Variants in AOAH observed in about 807,000 individuals in gnomAD.
AOAH encodes the protein acyloxyacyl hydrolase (neutrophil).
Under a neutral mutation model 92.2 loss-of-function variants are expected in AOAH, and 64 were observed. That is an observed-to-expected ratio of 0.69 (90% CI 0.57 to 0.86). The LOEUF is 0.86. AOAH is among the 40% of genes least tolerant of loss of function. AOAH has a pLI of 0.00. For synonymous variants in AOAH, 263 were observed against 254.5 expected (o/e 1.03, Z -0.32); for missense variants, 656 against 694.6 (o/e 0.94, Z 0.62).
At chr7:36,692,861 T>G (rs1345606636) in intron 1 of AOAH, among the ~76,000 whole-genome samples, 5 of 152,178 alleles carry the variant, frequency 3.3e-5, no homozygotes, top group Non-Finnish European at 5.9e-5. Flanking sequence ...AGGAACCTGG[T>G]AGTGCTTTGG....
At chr7:36,715,023 A>C (rs1194194515) in intron 1 of AOAH, among the ~76,000 whole-genome samples, 1 of 152,172 alleles carries the variant, frequency 6.6e-6, no homozygotes, top group African/African-American at 2.4e-5. Flanking sequence ...AATTAGGAAA[A>C]GAGGAAGTCA....
intron 13 of AOAH, among the ~76,000 whole-genome samples, chr7:36,569,471 ATCTATCT>A (rs1265688597): frequency 1.1e-4 from 1 of 8,832 alleles, no homozygotes; most frequent in Non-Finnish European, 2.3e-4. Context: ...ACTTAAAAAA[ATCTATCT>A]ATCTATCTAT....
At chr7:36,673,835 T>G in intron 3 of AOAH, 108 bp downstream of exon 3, 2 of 724,318 alleles carry the variant, frequency 2.8e-6, no homozygotes. Context: ...CCTCGAGCCC[T>G]GTCCAGAAAG....
intron 20 of AOAH, among the ~76,000 whole-genome samples, chr7:36,519,444 T>C (rs1783996484): frequency 6.6e-6 from 1 of 152,260 alleles, no homozygotes; most frequent in African/African-American, 2.4e-5. Context: ...ATTTTTGTTT[T>C]TTTGAGATGG....
At position 36,534,125 on chromosome 7, in the gene AOAH, C is replaced by T. The variant is rs114998987; in HGVS notation, c.1307-1781G>A. ...GGATTTCTTTGATATCCAGAGGGGC[C>T]GGAGTTTGTCCTGCTCCTGTGACAC... On this transcript the variant is annotated intron_variant, in intron 16 of 20. Coordinates refer to ENST00000617537, the MANE Select transcript of AOAH (RefSeq NM_001637.4). Among the ~76,000 whole-genome samples the T allele has an allele frequency of 3.0e-3, 456 of 152,266 alleles. 3 individuals carry two copies. Among genetic ancestry groups the T allele is most frequent in the African/African-American group, 0.01 (425 of 41,530 alleles).
chr7:36,574,928 G>A (rs1014000119), intron 13 of AOAH, among the ~76,000 whole-genome samples: 29 of 151,468 alleles, frequency 1.9e-4, no homozygotes, highest in African/African-American at 4.6e-4. Context: ...TTTTTCTTTC[G>A]GCAGTGTTTT....
chr7:36,611,840 C>T (rs192788157), intron 11 of AOAH, among the ~76,000 whole-genome samples: 2 of 152,304 alleles, frequency 1.3e-5, no homozygotes, highest in East Asian at 1.9e-4. Flanking sequence ...TTGAAGCACA[C>T]GGCCCTTCCT....
At chr7:36,658,798 G>A (rs1187726696) in intron 4 of AOAH, among the ~76,000 whole-genome samples, 3 of 152,198 alleles carry the variant, frequency 2.0e-5, no homozygotes, top group Non-Finnish European at 4.4e-5. Flanking sequence ...GGCTTTCAGT[G>A]CTCATGGCAG....
intron 13 of AOAH, chr7:36,550,188 C>T (rs1786117989): frequency 6.6e-6 from 1 of 152,058 alleles, no homozygotes; most frequent in African/African-American, 2.4e-5. Flanking sequence ...AACCTTGTCT[C>T]TACTAAAAAT....
In AOAH at chr7:36,677,355, A is replaced by AGGAATG. The variant is rs1234017577; in HGVS notation, c.224-3347_224-3346insCATTCC. Among the ~76,000 whole-genome samples, 24 of 152,348 alleles carry AGGAATG rather than the reference A, an allele frequency of 1.6e-4. 1 individual carries two copies. The East Asian group carries it at 4.6e-3, about 29-fold the overall frequency. On this transcript the variant is annotated intron_variant, in intron 2 of 20. Coordinates refer to ENST00000617537, the MANE Select transcript of AOAH (RefSeq NM_001637.4). Reference sequence around the variant, plus strand: ...GAAAAGATACTCAACATCATTAGCTACCAAGGAAATGCAATTCAAAGCCAA... The same window carrying AGGAATG: ...GAAAAGATACTCAACATCATTAGCTAGGAATGCCAAGGAAATGCAATTCAAAGCCAA...
At chr7:36,594,039 T>C (rs1348880192) in intron 12 of AOAH, among the ~76,000 whole-genome samples, 1 of 152,152 alleles carries the variant, frequency 6.6e-6, no homozygotes. Context: ...TGAGAACAAA[T>C]AAGTAAACTT....
intron 4 of AOAH, among the ~76,000 whole-genome samples, chr7:36,644,853 G>A (rs989529172): frequency 1.4e-5 from 2 of 139,854 alleles, no homozygotes; most frequent in Non-Finnish European, 3.1e-5. Context: ...AAAGCCCCTG[G>A]GAAGTAAAAT....
chr7:36,647,823 G>C (rs886900369), intron 4 of AOAH, among the ~76,000 whole-genome samples: 1 of 150,240 alleles, frequency 6.7e-6, no homozygotes, highest in Non-Finnish European at 1.5e-5. Flanking sequence ...GCCATCTTCA[G>C]TTCCCTTAGA....
Position 36,699,643 on chromosome 7 carries a change from T to G in AOAH, c.128-12849A>C, listed in dbSNP as rs913987104. On this transcript the variant is annotated intron_variant, in intron 1 of 20. Transcript: ENST00000617537. ...TTTTTAAATTGGATTATTTGTTTTT[T>G]TTTTTTTTTTGCTATTGAGCTATTT... Among the ~76,000 whole-genome samples the G allele has an allele frequency of 1.2e-3, 186 of 151,804 alleles. 2 individuals are homozygous for G. The highest frequency in any genetic ancestry group is 4.3e-3 in the African/African-American group (178 of 41,480).
intron 6 of AOAH, among the ~76,000 whole-genome samples, chr7:36,627,070 G>A (rs1723925491): frequency 6.6e-6 from 1 of 152,102 alleles, no homozygotes; most frequent in African/African-American, 2.4e-5. Context: ...AGGCATTTTG[G>A]GAGTCCCTGC....
At chr7:36,686,651 G>A in intron 2 of AOAH, 48 bp downstream of exon 2, 7 of 1,145,004 alleles carry the variant, frequency 6.1e-6, no homozygotes, top group South Asian at 1.9e-5. Flanking sequence ...TGACTCATGA[G>A]TGAGAGGACA....
At chr7:36,517,245 T>TCC (rs1491462852) in intron 20 of AOAH, among the ~76,000 whole-genome samples, 4 of 129,232 alleles carry the variant, frequency 3.1e-5, no homozygotes, top group South Asian at 2.7e-4. Flanking sequence ...TCTCTCTCTC[T>TCC]TTCTTTCTGT....
intron 12 of AOAH, among the ~76,000 whole-genome samples, chr7:36,580,992 A>G (rs1788891089): frequency 1.3e-5 from 2 of 152,154 alleles, no homozygotes; most frequent in Admixed American, 1.3e-4. Context: ...TCCAGTCCAG[A>G]GGCCCTTGAC....
At chr7:36,677,252 T>A (rs1024586935) in intron 2 of AOAH, among the ~76,000 whole-genome samples, 1 of 152,046 alleles carries the variant, frequency 6.6e-6, no homozygotes, top group Non-Finnish European at 1.5e-5. Flanking sequence ...AAAAGACAAA[T>A]AGTCCAATTA....
Sources: gnomAD v4.1 joint callset for allele counts (sites outside exome capture counted in the v4.1 genomes callset) on GRCh38, gnomAD v4.1.1 for gene constraint, MANE v1.5 for transcripts, NCBI Gene and HGNC (gene_info 2026-07-23, HGNC 2026-07-21) for gene names.